GSTM2: variants seen among roughly 807,000 people sequenced by gnomAD.
The protein encoded by GSTM2 is GST class-mu 2.
In GSTM2, 33 loss-of-function variants were observed where a neutral mutation model predicts 33.3. That is an observed-to-expected ratio of 0.99 (90% confidence interval 0.75 to 1.33). The LOEUF is 1.33. Among genes scored for constraint, GSTM2 ranks in the 40% most tolerant of loss-of-function variants. GSTM2 has a pLI of 0.00. For synonymous variants in GSTM2, 93 were observed against 95.6 expected (o/e 0.97, Z 0.16); for missense variants, 213 against 265.8 (o/e 0.80, Z 1.38).
downstream of GSTM2, among the ~76,000 whole-genome samples, chr1:109,677,775 A>G (rs1647740111): frequency 6.6e-6 from 1 of 152,226 alleles, no homozygotes. Context: ...AGGCCTGTCC[A>G]CTGTATGTAT....
chr1:109,668,886 T>G (rs403337), intron 2 of GSTM2, 39 bp from the exon 3 acceptor site: 1 of 1,610,924 alleles, frequency 6.2e-7, no homozygotes, highest in East Asian at 2.2e-5. Context: ...GGGCTGGGCT[T>G]TGGGGAGGTT....
downstream of GSTM2, among the ~76,000 whole-genome samples, chr1:109,679,976 T>A (rs970634084): frequency 6.6e-6 from 1 of 152,132 alleles, no homozygotes; most frequent in African/African-American, 2.4e-5. Context: ...GGGACATCCA[T>A]CTCCGCCTAT....
rs958602337 is a variant in GSTM2, at chr1:109,669,077, C to G, written c.177+88C>G. 4 of 1,441,514 alleles carry G rather than the reference C, an allele frequency of 2.8e-6. No homozygotes were observed. In the African/African-American group the frequency reaches 4.3e-5, roughly 15 times the overall value. 89.3% of individuals were successfully genotyped at this position (1,441,514 alleles called of 1,614,324 possible). A position where few individuals can be genotyped will look rare whatever the true frequency, so the allele number is the denominator to read the frequency against. The stretch of plus-strand genomic sequence containing the variant: ...CTCCCCAGCTTAGAGGTGTTAAGAT[C>G]AGGAGTCTTCTGCCCAATTCCTCTC... On this transcript the variant is annotated intron_variant, in intron 3 of 7. Coordinates refer to ENST00000241337, the MANE Select transcript of GSTM2 (RefSeq NM_000848.4).
Position 109,668,420 on chromosome 1 carries a change from C to T in GSTM2, c.37-5C>T, listed in dbSNP as rs1208294526. On this transcript the variant is annotated splice_region_variant and splice_polypyrimidine_tract_variant and intron_variant, in intron 1 of 7. Transcript: ENST00000241337. ...CTGACCCGAGCTGTGGGCCATCTCT[C>T]CCAGCTGGCCCATTCCATCCGCCTG... 1 of 1,613,788 alleles carries T rather than the reference C, an allele frequency of 6.2e-7. No homozygotes were observed. The highest frequency in any genetic ancestry group is 1.7e-5 in the Admixed American group (1 of 60,028).
intron 7 of GSTM2, among the ~76,000 whole-genome samples, chr1:109,673,761 G>A (rs1647624061): frequency 6.6e-6 from 1 of 152,152 alleles, no homozygotes; most frequent in Non-Finnish European, 1.5e-5. Context: ...ACCATGACCA[G>A]CTAATTTTTG....
chr1:109,680,242 A>G (rs1160448625), downstream of GSTM2, among the ~76,000 whole-genome samples: 1 of 150,982 alleles, frequency 6.6e-6, no homozygotes, highest in Non-Finnish European at 1.5e-5. Flanking sequence ...TAGTGGTGTC[A>G]CTTCAAATTT....
In GSTM2 at chr1:109,674,896, T is replaced by C; in HGVS notation, c.*60T>C. ...CATACTCAGCCTGCTGCCCAGGCTGTGCAGCGCAGCTGGACTCTGCATCCC... is the reference window on the plus strand; with the variant it reads ...CATACTCAGCCTGCTGCCCAGGCTGCGCAGCGCAGCTGGACTCTGCATCCC... On this transcript the variant is annotated 3_prime_UTR_variant, in exon 8 of 8. Coordinates refer to ENST00000241337, the MANE Select transcript of GSTM2 (RefSeq NM_000848.4). The C allele has an allele frequency of 1.2e-6, 2 of 1,603,668 alleles. No individual in the cohort carries two copies. Among genetic ancestry groups the C allele is most frequent in the Middle Eastern group, 1.7e-4 (1 of 6,040 alleles).
chr1:109,673,904 T>A (rs924711674), intron 7 of GSTM2, among the ~76,000 whole-genome samples: 3 of 152,202 alleles, frequency 2.0e-5, no homozygotes, highest in African/African-American at 7.2e-5. Context: ...TTGAATACCT[T>A]ATCTGGGCAT....
intron 7 of GSTM2, among the ~76,000 whole-genome samples, chr1:109,674,452 A>G (rs1300036389): frequency 1.3e-5 from 2 of 152,184 alleles, no homozygotes; most frequent in African/African-American, 4.8e-5. Context: ...CTTGCAGAGT[A>G]GTCGAGTGGG....
chr1:109,673,330 G>T, intron 7 of GSTM2: 1 of 1,529,330 alleles, frequency 6.5e-7, no homozygotes, highest in Non-Finnish European at 8.9e-7. Flanking sequence ...GGAAATGAGT[G>T]CAGTGAGAGG....
downstream of GSTM2, among the ~76,000 whole-genome samples, chr1:109,680,111 C>T (rs1042126907): frequency 1.3e-5 from 2 of 151,288 alleles, no homozygotes; most frequent in African/African-American, 2.4e-5. Context: ...CGCTGGCTTT[C>T]CTGCTTCTCT....
At chr1:109,672,361 C>T (rs1317929345) in intron 7 of GSTM2, among the ~76,000 whole-genome samples, 1 of 152,108 alleles carries the variant, frequency 6.6e-6, no homozygotes, top group Non-Finnish European at 1.5e-5. Flanking sequence ...GCACATTATA[C>T]CTATTGTGTT....
At chr1:109,672,046 G>A (rs1171886440) in intron 7 of GSTM2, among the ~76,000 whole-genome samples, 3 of 150,990 alleles carry the variant, frequency 2.0e-5, no homozygotes, top group South Asian at 2.1e-4. Context: ...TTGGGAGGCC[G>A]AGTTGGGTGG....
rs549185887 is a variant in GSTM2 at position 109,670,490 on chromosome 1, G to A, written c.361-797G>A. Among the ~76,000 whole-genome samples, 9 of 152,132 alleles carry A rather than the reference G, an allele frequency of 5.9e-5. No homozygotes were observed. In the South Asian group the frequency reaches 1.7e-3, roughly 28 times the overall value. ...AGAGTGACCCTCAAACCCCAAAGTC[G>A]TGTCAAATAAAACCTCTAAATCAAT... On this transcript the variant is annotated intron_variant, in intron 5 of 7. Transcript: ENST00000241337.
At chr1:109,670,030 T>C (rs1469847246) in intron 5 of GSTM2, 2 of 40,074 alleles carry the variant, frequency 5.0e-5, no homozygotes, top group Admixed American at 4.6e-4. Flanking sequence ...TGAAAGAAAA[T>C]ACACTTCCAC....
intron 7 of GSTM2, 50 bp downstream of exon 7, chr1:109,671,633 C>T (rs113580534): frequency 9.9e-7 from 1 of 1,015,060 alleles, no homozygotes; most frequent in Non-Finnish European, 1.6e-6. Flanking sequence ...CCTTTCCCTC[C>T]TTTGTGATGC....
rs1647413844 is a variant in GSTM2 at position 109,668,442 on chromosome 1, C to T, written c.54C>T (p.Arg18=). Residue 18 remains arginine, a synonymous_variant, in exon 2 of 8, where the codon CGC becomes CGT. Coordinates refer to ENST00000241337, the MANE Select transcript of GSTM2 (RefSeq NM_000848.4). ...TCTCCCAGCTGGCCCATTCCATCCG[C>T]CTGCTCCTGGAATACACAGACTCAA... ...WNIRGLAHSI[R]LLLEYTDSSY... The T allele has an allele frequency of 6.2e-7, 1 of 1,614,202 alleles. No homozygotes were observed. Among genetic ancestry groups the T allele is most frequent in the Non-Finnish European group, 8.5e-7 (1 of 1,180,038 alleles).
intron 5 of GSTM2, chr1:109,671,034 T>G (rs1170981793): frequency 1.3e-5 from 6 of 470,514 alleles, no homozygotes; most frequent in Admixed American, 3.3e-5. Flanking sequence ...TGTTGGGAGG[T>G]CAGTGGGGAC....
chr1:109,676,200 G>T (rs138966410), downstream of GSTM2, among the ~76,000 whole-genome samples: 6,652 of 152,154 alleles, frequency 0.044, 251 homozygotes, highest in African/African-American at 0.093. Context: ...ATGTGGGTGG[G>T]GACACAGCCA....
Sources: gnomAD v4.1 joint callset for allele counts (sites outside exome capture counted in the v4.1 genomes callset) on GRCh38, gnomAD v4.1.1 for gene constraint, MANE v1.5 for transcripts, NCBI Gene and HGNC (gene_info 2026-07-23, HGNC 2026-07-21) for gene names.